PCDHGA6: variants seen among roughly 807,000 people sequenced by gnomAD.
PCDHGA6 encodes protocadherin gamma subfamily A, 6.
PCDHGA6 carries 41 observed loss-of-function variants against 60.6 expected under a neutral mutation model. The ratio of observed to expected loss-of-function variants is 0.68; its 90% CI spans 0.53 to 0.88. The LOEUF is 0.88. Ranked by LOEUF, PCDHGA6 falls within the 40% of genes least tolerant of loss-of-function variation. The pLI is 0.00. For missense variants in PCDHGA6, 1,312 were observed against 1,203.0 expected, an observed-to-expected ratio of 1.09 and a Z score of -1.34; for synonymous variants, 594 against 524.4, an observed-to-expected ratio of 1.13 and a Z score of -1.81.
chr5:141,466,928 T>TTAG (rs1231908662), intron 1 of PCDHGA6, among the ~76,000 whole-genome samples: 1 of 152,220 alleles, frequency 6.6e-6, no homozygotes, highest in Non-Finnish European at 1.5e-5. Context: ...ATTAGGAATA[T>TTAG]TAGTCCTTTG....
intron 2 of PCDHGA6, among the ~76,000 whole-genome samples, chr5:141,503,851 A>C (rs1484022055): frequency 6.6e-6 from 1 of 152,116 alleles, no homozygotes; most frequent in Non-Finnish European, 1.5e-5. Context: ...CCTTGGAAAA[A>C]TTGTAAAGCA....
intron 1 of PCDHGA6, chr5:141,389,046 G>A: frequency 1.9e-6 from 3 of 1,613,888 alleles, no homozygotes; most frequent in African/African-American, 1.3e-5. Context: ...GGAAGGTGAT[G>A]TTCCATTTAA....
chr5:141,461,438 T>C (rs1034260263), intron 1 of PCDHGA6, among the ~76,000 whole-genome samples: 3 of 152,200 alleles, frequency 2.0e-5, no homozygotes, highest in African/African-American at 7.2e-5. Flanking sequence ...GTATACCTTC[T>C]TTTGAGAAAT....
At chr5:141,394,797 G>A (rs551668843) in intron 1 of PCDHGA6, 2 of 1,613,798 alleles carry the variant, frequency 1.2e-6, no homozygotes, top group Admixed American at 1.7e-5. Flanking sequence ...CACGCTCACC[G>A]TAGCCGTGGC....
chr5:141,427,693 C>A, intron 1 of PCDHGA6: 2 of 909,726 alleles, frequency 2.2e-6, no homozygotes, highest in East Asian at 2.5e-5. Context: ...GCCTCCATCC[C>A]ACAAGTCAGC....
At position 141,389,227 on chromosome 5, in the gene PCDHGA6, C is replaced by T. The variant is rs1412412051; in HGVS notation, c.2424+12720C>T. On this transcript the variant is annotated intron_variant, in intron 1 of 3. Transcript: ENST00000517434. ...ATTGGTGATGTAAATGACAACGCTC[C>T]GGTTTTCTCACAGTCTTCCTATATA... 35 of 1,614,024 alleles carry T rather than the reference C, an allele frequency of 2.2e-5. No homozygotes were observed. Among genetic ancestry groups the T allele is most frequent in the Non-Finnish European group, 2.8e-5 (33 of 1,179,882 alleles).
At position 141,493,396 on chromosome 5, in the gene PCDHGA6, G is replaced by A. The variant is rs562217310; in HGVS notation, c.2425-1411G>A. 1.3e-5 allele frequency among the ~76,000 whole-genome samples: 2 copies of A among 152,274 alleles called. No homozygotes were observed. Among genetic ancestry groups the A allele is most frequent in the East Asian group, 3.9e-4 (2 of 5,178 alleles). The stretch of plus-strand genomic sequence containing the variant: ...TTTAAAAGCTTGAGGACAGGAGAGG[G>A]GAGTTGCCTCTGCTGGGATTTTGCT... On this transcript the variant is annotated intron_variant, in intron 1 of 3. Transcript: ENST00000517434. This position sits in a 1 kb window ranked among gnomAD's most constrained non-coding sequence, Gnocchi z 4.3.
chr5:141,436,555 G>A (rs562422182), intron 1 of PCDHGA6, among the ~76,000 whole-genome samples: 1 of 152,252 alleles, frequency 6.6e-6, no homozygotes, highest in South Asian at 2.1e-4. Flanking sequence ...TTGAGCTTCA[G>A]CAAAGTAGGA....
At chr5:141,383,570 G>T in intron 1 of PCDHGA6, 2 of 1,613,234 alleles carry the variant, frequency 1.2e-6, no homozygotes, top group Non-Finnish European at 1.7e-6. Context: ...CCCCGATCCA[G>T]CACCGCCCAC....
chr5:141,503,367 C>T (rs1038565489), intron 2 of PCDHGA6, among the ~76,000 whole-genome samples: 5 of 151,908 alleles, frequency 3.3e-5, no homozygotes, highest in African/African-American at 9.7e-5. Flanking sequence ...GAAGCGGAGG[C>T]AGGTGGATCA....
chr5:141,454,892 C>T (rs1389056318), intron 1 of PCDHGA6, among the ~76,000 whole-genome samples: 4 of 146,994 alleles, frequency 2.7e-5, no homozygotes, highest in Non-Finnish European at 5.9e-5. Context: ...ACTGCTAGCA[C>T]CGCCTCCCGG....
chr5:141,409,177 T>A (rs1272833119), intron 1 of PCDHGA6: 1 of 1,613,944 alleles, frequency 6.2e-7, no homozygotes, highest in Non-Finnish European at 8.5e-7. Context: ...AGGACGGAGG[T>A]GGTCTCTCTA....
At chr5:141,441,554 G>T (rs3805698) in intron 1 of PCDHGA6, 21,236 of 192,824 alleles carry the variant, frequency 0.11, 1,386 homozygotes, top group African/African-American at 0.18. Flanking sequence ...TCCATAGTGT[G>T]CAAGTAGACA....
rs766795269 is a variant in PCDHGA6, at chr5:141,394,804, T to C, written c.2424+18297T>C. Reference sequence around the variant, plus strand: ...GCCACTGTCACGCTCACCGTAGCCGTGGCTGACAGCATCCCCGAAGTCCTG... The same window carrying C: ...GCCACTGTCACGCTCACCGTAGCCGCGGCTGACAGCATCCCCGAAGTCCTG... On this transcript the variant is annotated intron_variant, in intron 1 of 3. Coordinates refer to ENST00000517434, the MANE Select transcript of PCDHGA6 (RefSeq NM_018919.3). 8 of 1,613,850 alleles carry C rather than the reference T, an allele frequency of 5.0e-6. No individual in the cohort carries two copies. In the South Asian group the frequency reaches 6.6e-5, roughly 13 times the overall value.
intron 1 of PCDHGA6, chr5:141,387,572 T>G: frequency 2.1e-6 from 1 of 480,808 alleles, no homozygotes; most frequent in South Asian, 3.5e-5. Context: ...CAATTATAAT[T>G]ATTGCACTGG....
chr5:141,395,542 TTGTGTGTG>T (rs55729045), intron 1 of PCDHGA6: 8,424 of 171,616 alleles, frequency 0.049, 167 homozygotes, highest in African/African-American at 0.088. Context: ...TTGCTATTGT[TTGTGTGTG>T]TGTGTGTGTG....
intron 1 of PCDHGA6, chr5:141,419,575 C>T (rs2096401495): frequency 6.2e-7 from 1 of 1,611,782 alleles, no homozygotes. Context: ...CCGACGGCTC[C>T]GCGCTCTTCG....
chr5:141,512,241 G>A lies in PCDHGA6; in HGVS notation c.*1068G>A, dbSNP rs533051658. On this transcript the variant is annotated 3_prime_UTR_variant, in exon 4 of 4. Coordinates refer to ENST00000517434, the MANE Select transcript of PCDHGA6 (RefSeq NM_018919.3). ...CCAGGTCCCCTTGAGAGGTCAGAGGGGCCTCTGTGGGTGCTGGGTACTCCA... is the reference window on the plus strand; with the variant it reads ...CCAGGTCCCCTTGAGAGGTCAGAGGAGCCTCTGTGGGTGCTGGGTACTCCA... 1 of 152,866 alleles carries A rather than the reference G, an allele frequency of 6.5e-6. No individual in the cohort carries two copies. The highest frequency in any genetic ancestry group is 2.1e-4 in the South Asian group (1 of 4,824). 9.5% of individuals were successfully genotyped at this position (152,866 alleles called of 1,614,324 possible).
At chr5:141,376,676 G>GTTTTTTTTTTTTTTTTTTTTTT (rs67197835) in intron 1 of PCDHGA6, 169 bp downstream of exon 1, 1 of 275,800 alleles carries the variant, frequency 3.6e-6, no homozygotes, top group Non-Finnish European at 6.2e-6. Context: ...TGAGGGTATC[G>GTTTTTTTTTTTTTTTTTTTTTT]TTTTTTTTTT....
Sources: allele counts gnomAD v4.1 joint callset (sites outside exome capture counted in the v4.1 genomes callset), GRCh38; gene constraint gnomAD v4.1.1; non-coding constraint Gnocchi (gnomAD v3.1); transcripts MANE v1.5; gene names NCBI Gene and HGNC (gene_info 2026-07-23, HGNC 2026-07-21).